TRHDE: variants seen among roughly 807,000 people sequenced by gnomAD.
The protein encoded by TRHDE is thyrotropin releasing hormone degrading enzyme.
In TRHDE, 72 loss-of-function variants were observed where a neutral mutation model predicts 125.7. That is an observed-to-expected ratio of 0.57 (90% CI 0.47 to 0.70). TRHDE has a LOEUF of 0.70. Ranked by LOEUF, TRHDE falls within the 30% of genes least tolerant of loss-of-function variation. The probability of loss-of-function intolerance (pLI) is 0.00; values close to 1 mark genes in which losing one functional copy is unlikely to be tolerated. For synonymous variants in TRHDE, 509 were observed against 509.1 expected (o/e 1.00, Z 0.00); for missense variants, 1,110 against 1,327.1 (o/e 0.84, Z 2.54).
At chr12:72,323,575 G>A (rs777691860) in intron 2 of TRHDE, among the ~76,000 whole-genome samples, 45 of 152,026 alleles carry the variant, frequency 3.0e-4, no homozygotes, top group Non-Finnish European at 3.7e-4. Flanking sequence ...CCTCATCTCA[G>A]TTCCACAAAT....
chr12:72,654,845 G>T (rs1243240626), intron 17 of TRHDE, among the ~76,000 whole-genome samples: 3 of 151,888 alleles, frequency 2.0e-5, no homozygotes, highest in African/African-American at 4.8e-5. Context: ...TACAATAATA[G>T]CCTTCTGTCT....
chr12:72,174,486 AT>A (rs1012582169), intron 2 of TRHDE, among the ~76,000 whole-genome samples: 1 of 152,090 alleles, frequency 6.6e-6, no homozygotes, highest in Admixed American at 6.5e-5. Context: ...TTCTTATATC[AT>A]TTTTTTCTTC....
intron 7 of TRHDE, chr12:72,560,876 C>A (rs1476778896): frequency 6.6e-6 from 1 of 152,026 alleles, no homozygotes; most frequent in Non-Finnish European, 1.5e-5. Context: ...TTTTGTAAAT[C>A]TTATTCCCAA....
chr12:72,444,711 A>C (rs1428974027), intron 3 of TRHDE, among the ~76,000 whole-genome samples: 1 of 151,872 alleles, frequency 6.6e-6, no homozygotes, highest in African/African-American at 2.4e-5. Flanking sequence ...AACACCATTT[A>C]TCACAGGCTA....
chr12:72,482,501 A>T (rs551693723), intron 5 of TRHDE, among the ~76,000 whole-genome samples: 2 of 152,084 alleles, frequency 1.3e-5, no homozygotes, highest in East Asian at 3.9e-4. Flanking sequence ...GTTTGCTCAG[A>T]TTAACCTAGT....
chr12:72,219,592 C>T (rs1472042915), intron 2 of TRHDE, among the ~76,000 whole-genome samples: 2 of 152,066 alleles, frequency 1.3e-5, no homozygotes. Flanking sequence ...CATGACAGGC[C>T]TATTGCTAAA....
chr12:72,535,893 C>A (rs1185437339), intron 6 of TRHDE, among the ~76,000 whole-genome samples: 1 of 152,102 alleles, frequency 6.6e-6, no homozygotes, highest in Admixed American at 6.6e-5. Context: ...ATAGACTAAT[C>A]CTTTCAGTAA....
chr12:72,661,754 C>G (rs1236215878), intron 18 of TRHDE, among the ~76,000 whole-genome samples: 2 of 151,930 alleles, frequency 1.3e-5, no homozygotes, highest in Non-Finnish European at 2.9e-5. Context: ...TTCCTTTTTT[C>G]TTAATATATG....
intron 2 of TRHDE, among the ~76,000 whole-genome samples, chr12:72,111,132 T>A (rs1875305836): frequency 6.6e-6 from 1 of 152,188 alleles, no homozygotes; most frequent in Non-Finnish European, 1.5e-5. Context: ...GAGTCCCTCT[T>A]TAAGAGAAAA....
At chr12:72,586,336 A>G (rs1012905151) in intron 12 of TRHDE, among the ~76,000 whole-genome samples, 1 of 152,196 alleles carries the variant, frequency 6.6e-6, no homozygotes. Flanking sequence ...TATGTGGGAA[A>G]TCGTAAAGCC....
At chr12:72,229,899 C>T (rs144091185) in intron 2 of TRHDE, among the ~76,000 whole-genome samples, 91 of 152,156 alleles carry the variant, frequency 6.0e-4, no homozygotes, top group African/African-American at 2.0e-3. Context: ...ATGCTAATAC[C>T]ATGTTACAGG....
chr12:72,496,237 C>G (rs890751016), intron 5 of TRHDE, among the ~76,000 whole-genome samples: 1 of 152,150 alleles, frequency 6.6e-6, no homozygotes, highest in Non-Finnish European at 1.5e-5. Flanking sequence ...TTTACTTGTT[C>G]CTTTAAATGT....
intron 3 of TRHDE, among the ~76,000 whole-genome samples, chr12:72,448,620 T>C (rs1413452351): frequency 7.9e-5 from 12 of 152,014 alleles, no homozygotes; most frequent in Admixed American, 7.9e-4. Context: ...GTGTCCGTTA[T>C]GTATTATGTT....
chr12:72,533,235 C>T (rs1346653495), intron 6 of TRHDE, among the ~76,000 whole-genome samples: 2 of 151,854 alleles, frequency 1.3e-5, no homozygotes, highest in Non-Finnish European at 2.9e-5. Flanking sequence ...AACGCAGTGG[C>T]GTGATCTCAG....
At chr12:72,618,119 A>G (rs1872895616) in intron 12 of TRHDE, among the ~76,000 whole-genome samples, 1 of 152,114 alleles carries the variant, frequency 6.6e-6, no homozygotes, top group Non-Finnish European at 1.5e-5. Context: ...TATACAGTCT[A>G]TTGGAAAAAA....
At chr12:72,518,035 T>A (rs1239062575) in intron 6 of TRHDE, among the ~76,000 whole-genome samples, 1 of 145,978 alleles carries the variant, frequency 6.9e-6, no homozygotes, top group Non-Finnish European at 1.5e-5. Context: ...TCTGTTCTTT[T>A]ACGTTTGCTG....
intron 2 of TRHDE, among the ~76,000 whole-genome samples, chr12:72,141,269 T>C (rs1348201413): frequency 6.6e-6 from 1 of 152,194 alleles, no homozygotes. Context: ...ACAAAATCAT[T>C]CCTTTGAGTT....
chr12:72,342,590 CAATGAAT>C (rs1384227015), intron 2 of TRHDE, among the ~76,000 whole-genome samples: 1 of 151,916 alleles, frequency 6.6e-6, no homozygotes, highest in Non-Finnish European at 1.5e-5. Flanking sequence ...GTGAGGTAAG[CAATGAAT>C]AAAGAGAAAA....
At chr12:72,505,021 A>G (rs1358728885) in intron 6 of TRHDE, among the ~76,000 whole-genome samples, 1 of 152,142 alleles carries the variant, frequency 6.6e-6, no homozygotes, top group Non-Finnish European at 1.5e-5. Context: ...TACACTTTAA[A>G]TAGCTTTTTA....
Sources: allele counts gnomAD v4.1 joint callset (sites outside exome capture counted in the v4.1 genomes callset), GRCh38; gene constraint gnomAD v4.1.1; transcripts MANE v1.5; gene names NCBI Gene and HGNC (gene_info 2026-07-23, HGNC 2026-07-21).